SEMA3F: variants seen among roughly 807,000 people sequenced by gnomAD.
SEMA3F encodes semaphorin-3F.
In SEMA3F, 30 loss-of-function variants were observed where a neutral mutation model predicts 98.5. The observed-to-expected ratio is 0.30, with a 90% CI of 0.23 to 0.41. The LOEUF is 0.41. Among genes scored for constraint, SEMA3F ranks in the 10% least tolerant of loss-of-function variants. SEMA3F has a pLI of 1.00. For missense variants in SEMA3F, 866 were observed against 1,119.3 expected (o/e 0.77, Z 3.23); for synonymous variants, 380 against 444.8 (o/e 0.85, Z 1.83).
At position 50,188,196 on chromosome 3, in the gene SEMA3F, T is replaced by TATAA. The variant is rs1699309701; in HGVS notation, c.*83_*86dup. ...AAAGATATATATATATATATATATA[T>TATAA]ATAAAATATCTATATTCTATACACA... On this transcript the variant is annotated 3_prime_UTR_variant, in exon 19 of 19. Transcript: ENST00000002829. This position sits in a 1 kb window ranked among gnomAD's most constrained non-coding sequence, Gnocchi z 4.5. The TATAA allele has an allele frequency of 4.3e-6, 2 of 467,228 alleles. No homozygotes were observed. The highest frequency in any genetic ancestry group is 4.9e-5 in the East Asian group (1 of 20,204). 28.9% of individuals were successfully genotyped at this position (467,228 alleles called of 1,614,324 possible).
chr3:50,186,149 C>A, intron 16 of SEMA3F, 103 bp downstream of exon 16: 3 of 1,470,106 alleles, frequency 2.0e-6, no homozygotes, highest in Non-Finnish European at 9.3e-7. Context: ...TGTGATATTA[C>A]CCTAGGGGAG....
rs369738643 is a variant in SEMA3F, at chr3:50,174,114, C to T, written c.336C>T (p.Asn112=). 156 of 1,613,982 alleles carry T rather than the reference C, an allele frequency of 9.7e-5. No homozygotes were observed. Among genetic ancestry groups the T allele is most frequent in the Non-Finnish European group, 1.3e-4 (148 of 1,180,014 alleles). The change falls in exon 4 of 19, where the codon AAC becomes AAT. Residue 112 remains asparagine (N), a splice_region_variant and synonymous_variant. Coordinates refer to ENST00000002829, the MANE Select transcript of SEMA3F (RefSeq NM_004186.5). ...EECVLSGKDV[N]GECGNFVRLI... ...GCGTGCTCTCAGGCAAGGATGTCAACGTGAGTTTGGTGGGATCCACAGGTG... is the reference window on the plus strand; with the variant it reads ...GCGTGCTCTCAGGCAAGGATGTCAATGTGAGTTTGGTGGGATCCACAGGTG...
intron 7 of SEMA3F, among the ~76,000 whole-genome samples, chr3:50,177,136 C>T (rs1004719332): frequency 6.6e-6 from 1 of 152,200 alleles, no homozygotes; most frequent in African/African-American, 2.4e-5. Context: ...GTGGTCCATG[C>T]AAAGTCCAGA....
intron 2 of SEMA3F, among the ~76,000 whole-genome samples, chr3:50,168,191 TA>T (rs1698474165): frequency 1.3e-5 from 2 of 151,928 alleles, no homozygotes; most frequent in Admixed American, 1.3e-4. Context: ...CTAGAGATGC[TA>T]TGCGGGGGCA....
chr3:50,187,845 A>G lies in SEMA3F; in HGVS notation c.2088A>G (p.Val696=). 1 of 1,613,394 alleles carries G rather than the reference A, an allele frequency of 6.2e-7. No individual in the cohort carries two copies. Among genetic ancestry groups the G allele is most frequent in the Middle Eastern group, 1.6e-4 (1 of 6,062 alleles). ...TCGTCACACGAGTGCAGCTGCATGTACTGGGCCGGGACGCCGTCCATGCTG... is the reference window on the plus strand; with the variant it reads ...TCGTCACACGAGTGCAGCTGCATGTGCTGGGCCGGGACGCCGTCCATGCTG... ...KHVVTRVQLH[V]LGRDAVHAAL... Residue 696 remains valine (V), a synonymous_variant, in exon 19 of 19, where the codon GTA becomes GTG. Transcript: ENST00000002829.
At position 50,155,981 on chromosome 3, in the gene SEMA3F, C is replaced by G. The variant is rs1575366025; in HGVS notation, c.-49+417C>G. 6.6e-6 allele frequency: 1 copy of G among 152,278 alleles called. No homozygotes were observed. Among genetic ancestry groups the G allele is most frequent in the Non-Finnish European group, 1.5e-5 (1 of 68,072 alleles). The allele number at this position is 152,278 out of a possible 1,614,324, so 9.4% of individuals were successfully genotyped here. A position where few individuals can be genotyped will look rare whatever the true frequency, so the allele number is the denominator to read the frequency against. On this transcript the variant is annotated intron_variant, in intron 1 of 18. Transcript: ENST00000002829. This position sits in a 1 kb window ranked among gnomAD's most constrained non-coding sequence, Gnocchi z 4.9. ...ATGCGCTTGCCCTACCTCAGTGTCTCTACTTGAGGACTGGCCAGCCCGAAG... is the reference window on the plus strand; with the variant it reads ...ATGCGCTTGCCCTACCTCAGTGTCTGTACTTGAGGACTGGCCAGCCCGAAG...
At chr3:50,157,794 A>C (rs527737357) in intron 1 of SEMA3F, among the ~76,000 whole-genome samples, 2 of 152,178 alleles carry the variant, frequency 1.3e-5, no homozygotes, top group African/African-American at 4.8e-5. Context: ...GGTGACTCCA[A>C]CCCTGTCCTT....
At chr3:50,159,409 C>A (rs775566109) in intron 1 of SEMA3F, 166 bp from the exon 2 acceptor site, 3 of 522,716 alleles carry the variant, frequency 5.7e-6, no homozygotes, top group Non-Finnish European at 6.6e-6. Context: ...TCTCCCCAGA[C>A]AAAGGCAGGC....
At chr3:50,161,057 G>A (rs80123248) in intron 2 of SEMA3F, among the ~76,000 whole-genome samples, 76 of 152,312 alleles carry the variant, frequency 5.0e-4, no homozygotes, top group Non-Finnish European at 8.7e-4. Context: ...ATTCTTCAGA[G>A]CAGATTAATA....
chr3:50,180,294 G>C (rs1200731727), intron 7 of SEMA3F, among the ~76,000 whole-genome samples: 1 of 151,992 alleles, frequency 6.6e-6, no homozygotes, highest in Non-Finnish European at 1.5e-5. Flanking sequence ...CTCCCAAGTA[G>C]CTGGGATCAT....
chr3:50,184,947 G>A, intron 13 of SEMA3F, 133 bp downstream of exon 13: 1 of 669,874 alleles, frequency 1.5e-6, no homozygotes. Flanking sequence ...CTCATCCTTT[G>A]GTGCCTTCTC....
At chr3:50,183,331 C>T in intron 11 of SEMA3F, 76 bp downstream of exon 11, 5 of 1,603,130 alleles carry the variant, frequency 3.1e-6, no homozygotes, top group Non-Finnish European at 4.3e-6. Context: ...GAACCCCAGC[C>T]CGGTGGCGAG....
chr3:50,167,016 C>G (rs1219817470), intron 2 of SEMA3F, among the ~76,000 whole-genome samples: 1 of 152,130 alleles, frequency 6.6e-6, no homozygotes, highest in Non-Finnish European at 1.5e-5. Context: ...AGAACAATCC[C>G]CTCTTTCCAT....
At chr3:50,187,586 T>C in intron 18 of SEMA3F, 119 bp from the exon 19 acceptor site, 1 of 708,788 alleles carries the variant, frequency 1.4e-6, no homozygotes. Context: ...TTCTGGCATA[T>C]GGAAATCCCA....
intron 2 of SEMA3F, 45 bp downstream of exon 2, chr3:50,159,779 C>T (rs747970830): frequency 5.7e-5 from 74 of 1,291,048 alleles, no homozygotes; most frequent in Non-Finnish European, 7.1e-5. Flanking sequence ...CCTCTCTTTA[C>T]AATAGCGCTC....
chr3:50,177,762 C>T (rs913254749), intron 7 of SEMA3F, among the ~76,000 whole-genome samples: 1 of 152,170 alleles, frequency 6.6e-6, no homozygotes, highest in Non-Finnish European at 1.5e-5. Flanking sequence ...TGGCTCACAC[C>T]TATAATCCCA....
chr3:50,164,951 C>T (rs1405237937), intron 2 of SEMA3F, among the ~76,000 whole-genome samples: 1 of 152,250 alleles, frequency 6.6e-6, no homozygotes, highest in African/African-American at 2.4e-5. Flanking sequence ...CAGGAGCGAT[C>T]CTGAGGCTGG....
At chr3:50,184,537 C>T in intron 12 of SEMA3F, 55 bp from the exon 13 acceptor site, 1 of 1,379,802 alleles carries the variant, frequency 7.2e-7, no homozygotes. Flanking sequence ...AAGCTAATGG[C>T]TCCAGCCTGC....
At position 50,173,839 on chromosome 3, in the gene SEMA3F, C is replaced by T. The variant is rs774920210; in HGVS notation, c.159C>T (p.Asn53=). 18 of 1,614,134 alleles carry T rather than the reference C, an allele frequency of 1.1e-5. No homozygotes were observed. In the Middle Eastern group the frequency reaches 4.9e-4, roughly 44 times the overall value. The stretch of plus-strand genomic sequence containing the variant: ...CCCACTTCTTCAACTTCCTGCTCAA[C>T]ACAACCGACTACCGAATCTTGCTCA... ...GTAHFFNFLL[N]TTDYRILLKD... The change falls in exon 3 of 19, where the codon AAC becomes AAT. Residue 53 remains asparagine (N), a synonymous_variant. Transcript: ENST00000002829.
Sources: gnomAD v4.1 joint callset for allele counts (sites outside exome capture counted in the v4.1 genomes callset) on GRCh38, gnomAD v4.1.1 for gene constraint, Gnocchi (gnomAD v3.1) non-coding constraint, MANE v1.5 for transcripts, NCBI Gene and HGNC (gene_info 2026-07-23, HGNC 2026-07-21) for gene names.